Variants in CHEK1 observed in about 807,000 individuals in gnomAD.
The protein encoded by CHEK1 is serine/threonine-protein kinase Chk1.
A neutral mutation model predicts 60.2 loss-of-function variants in CHEK1; 32 were observed. That is an observed-to-expected ratio of 0.53 (90% CI 0.40 to 0.71). CHEK1 has a LOEUF of 0.71. Ranked by LOEUF, CHEK1 falls within the 30% of genes least tolerant of loss-of-function variation. The pLI, the probability that CHEK1 is intolerant of heterozygous loss-of-function variation, is 0.00. For missense variants in CHEK1, 399 were observed against 564.6 expected, an observed-to-expected ratio of 0.71 and a Z score of 2.97; for synonymous variants, 179 against 187.2, an observed-to-expected ratio of 0.96 and a Z score of 0.36.
chr11:125,678,955 A>T (rs1337597607), downstream of CHEK1, among the ~76,000 whole-genome samples: 2 of 89,596 alleles, frequency 2.2e-5, no homozygotes, highest in Non-Finnish European at 4.7e-5. Flanking sequence ...CTATTAAGGT[A>T]AAAAAAAAAA....
At chr11:125,657,210 T>A (rs1469964563), downstream of CHEK1, 1 of 163,624 alleles carries the variant, frequency 6.1e-6, no homozygotes, top group East Asian at 1.3e-4. Flanking sequence ...TGTGTGTGTG[T>A]GTGTGTGTAA....
intron 13 of CHEK1, among the ~76,000 whole-genome samples, chr11:125,673,706 C>T (rs1289256184): frequency 6.6e-6 from 1 of 152,164 alleles, no homozygotes; most frequent in Admixed American, 6.5e-5. Flanking sequence ...CTCCCCAAAC[C>T]TGCTTGTTTT....
downstream of CHEK1, chr11:125,677,944 C>G (rs1308808743): frequency 6.2e-7 from 1 of 1,612,486 alleles, no homozygotes. Context: ...GGCTGTTCAC[C>G]TGACTCAAGC....
chr11:125,644,411 A>G, intron 10 of CHEK1, 101 bp from the exon 11 acceptor site: 1 of 1,481,814 alleles, frequency 6.7e-7, no homozygotes. Flanking sequence ...GAGAGGAGGG[A>G]GGCCTTCATG....
intron 11 of CHEK1, among the ~76,000 whole-genome samples, chr11:125,651,797 T>C (rs1047264830): frequency 6.6e-6 from 1 of 152,230 alleles, no homozygotes; most frequent in Admixed American, 6.5e-5. Context: ...TTGTTTTGAA[T>C]AAGTTGCTGC....
chr11:125,640,705 G>C (rs1405796692), intron 8 of CHEK1, among the ~76,000 whole-genome samples: 2 of 150,962 alleles, frequency 1.3e-5, no homozygotes, highest in African/African-American at 4.9e-5. Context: ...GAGTAGCTGG[G>C]ACTACAGGTG....
At chr11:125,632,037 T>TG (rs1461438865) in intron 5 of CHEK1, among the ~76,000 whole-genome samples, 2 of 152,182 alleles carry the variant, frequency 1.3e-5, no homozygotes, top group Admixed American at 6.5e-5. Flanking sequence ...AGGACAGTGA[T>TG]GGCTTCTATC....
chr11:125,662,757 T>C (rs117720327), intron 13 of CHEK1, among the ~76,000 whole-genome samples: 1 of 152,346 alleles, frequency 6.6e-6, no homozygotes, highest in Non-Finnish European at 1.5e-5. Flanking sequence ...GTGGCACTAC[T>C]CAATTATATG....
downstream of CHEK1, chr11:125,677,678 G>A (rs1458618689): frequency 1.9e-4 from 252 of 1,350,798 alleles, no homozygotes; most frequent in Non-Finnish European, 9.2e-5. Context: ...TGAGAGAGCT[G>A]TTTGTGAAGT....
intron 13 of CHEK1, among the ~76,000 whole-genome samples, chr11:125,662,183 T>G (rs979125416): frequency 3.9e-5 from 6 of 152,228 alleles, no homozygotes; most frequent in African/African-American, 1.4e-4. Context: ...AACATCTATT[T>G]CTAACAATTC....
At chr11:125,642,400 A>G (rs965058325) in intron 8 of CHEK1, among the ~76,000 whole-genome samples, 1 of 152,192 alleles carries the variant, frequency 6.6e-6, no homozygotes, top group Non-Finnish European at 1.5e-5. Flanking sequence ...TCTCCTCAGT[A>G]GAATGTAGGA....
chr11:125,646,344 T>C (rs1372193053), intron 11 of CHEK1, among the ~76,000 whole-genome samples: 3 of 152,216 alleles, frequency 2.0e-5, no homozygotes, highest in African/African-American at 7.2e-5. Context: ...GTTGTGTGTA[T>C]GTATTACATT....
chr11:125,658,911 C>A (rs533890012), downstream of CHEK1, among the ~76,000 whole-genome samples: 1 of 152,094 alleles, frequency 6.6e-6, no homozygotes, highest in South Asian at 2.1e-4. Flanking sequence ...GTTTCGAATG[C>A]CTGGGCTCAA....
At chr11:125,680,896 A>C, downstream of CHEK1, 1 of 824,732 alleles carries the variant, frequency 1.2e-6, no homozygotes, top group Non-Finnish European at 2.0e-6. Context: ...GAATTCTAGA[A>C]CCTCAGAAGT....
intron 13 of CHEK1, among the ~76,000 whole-genome samples, chr11:125,675,377 CTT>C (rs1942452736): frequency 6.6e-6 from 1 of 151,024 alleles, no homozygotes; most frequent in Non-Finnish European, 1.5e-5. Flanking sequence ...AACATAATCT[CTT>C]TGTACACAGT....
Position 125,637,485 on chromosome 11 carries a change from C to A in CHEK1, c.755C>A (p.Ala252Glu). ...LHKILVENPS[A>E]RITIPDIKKD... ...AAAATCTTAGTTGAGAATCCATCAG[C>A]AAGAATTACCATTCCAGACATCAAA... Residue 252 changes from alanine to glutamate, a missense_variant, in exon 8 of 13, where the codon GCA becomes GAA. This residue lies in a region of CHEK1 where 370 missense variants were observed against 494.8 expected (regional missense o/e 0.75). Transcript: ENST00000438015. 6.2e-7 allele frequency: 1 copy of A among 1,608,800 alleles called. No individual in the cohort carries two copies. The highest frequency in any genetic ancestry group is 8.5e-7 in the Non-Finnish European group (1 of 1,177,328).
intron 13 of CHEK1, among the ~76,000 whole-genome samples, chr11:125,666,911 G>A (rs907479264): frequency 1.3e-5 from 2 of 148,876 alleles, no homozygotes; most frequent in Admixed American, 6.7e-5. Flanking sequence ...GCAGGATATA[G>A]TTGAATCTTG....
rs922245598 is a variant in CHEK1, at chr11:125,637,520, T to A, written c.790T>A (p.Trp264Arg). The change falls in exon 8 of 13, where the codon TGG becomes AGG. Residue 264 changes from tryptophan (W) to arginine (R), a missense_variant. Trp to Arg is a moderately radical substitution (Grantham distance 101, BLOSUM62 -3). Coordinates refer to ENST00000438015, the MANE Select transcript of CHEK1 (RefSeq NM_001114122.3). ...ITIPDIKKDR[W>R]YNKPLKKGAK... The stretch of plus-strand genomic sequence containing the variant: ...CATTCCAGACATCAAAAAAGATAGA[T>A]GGTACAACAAACCCCTCAAGAAAGG... The A allele has an allele frequency of 6.2e-7, 1 of 1,610,900 alleles. No homozygotes were observed. Among genetic ancestry groups the A allele is most frequent in the African/African-American group, 1.3e-5 (1 of 74,790 alleles).
chr11:125,636,335 G>A (rs3731415), intron 7 of CHEK1, among the ~76,000 whole-genome samples: 5,514 of 151,322 alleles, frequency 0.036, 328 homozygotes, highest in African/African-American at 0.12. Flanking sequence ...CTGCCATGTG[G>A]ATATGCCTTA....
Sources: gnomAD v4.1 joint callset for allele counts (sites outside exome capture counted in the v4.1 genomes callset) on GRCh38, gnomAD v4.1.1 for gene constraint, gnomAD v4.1.1 regional missense constraint, MANE v1.5 for transcripts, NCBI Gene and HGNC (gene_info 2026-07-23, HGNC 2026-07-21) for gene names.